The following PSKH2 variants were observed in gnomAD, a reference collection of about 807,000 sequenced individuals.
PSKH2 encodes serine/threonine-protein kinase H2.
A neutral mutation model predicts 22.5 loss-of-function variants in PSKH2; 16 were observed. That is an observed-to-expected ratio of 0.71 (90% CI 0.48 to 1.08). PSKH2 has a LOEUF of 1.08. Among genes scored for constraint, PSKH2 ranks in the 50% least tolerant of loss-of-function variants. The pLI is 0.00. For missense variants in PSKH2, 516 were observed against 492.8 expected, an observed-to-expected ratio of 1.05 and a Z score of -0.44; for synonymous variants, 188 against 184.8, an observed-to-expected ratio of 1.02 and a Z score of -0.14.
At chr8:86,054,877 A>G (rs1463663478) in intron 2 of PSKH2, among the ~76,000 whole-genome samples, 4 of 152,208 alleles carry the variant, frequency 2.6e-5, no homozygotes, top group African/African-American at 9.6e-5. Flanking sequence ...AAAATTGGGT[A>G]CAGTTGAAGT....
intron 2 of PSKH2, among the ~76,000 whole-genome samples, chr8:86,050,839 G>A (rs765041050): frequency 7.2e-5 from 11 of 152,150 alleles, no homozygotes; most frequent in Admixed American, 1.3e-4. Flanking sequence ...ATAAAGCAGA[G>A]TCCATACATA....
At chr8:86,049,735 AAAGAAAG>A in intron 2 of PSKH2, among the ~76,000 whole-genome samples, 1 of 36,022 alleles carries the variant, frequency 2.8e-5, no homozygotes. Context: ...AGAAAGAAAG[AAAGAAAG>A]AAAGAAACGA....
intron 2 of PSKH2, among the ~76,000 whole-genome samples, chr8:86,060,357 G>A (rs184133912): frequency 1.3e-5 from 2 of 152,118 alleles, no homozygotes; most frequent in South Asian, 2.1e-4. Flanking sequence ...AATTATATTC[G>A]GAAGAAGGGG....
chr8:86,058,056 C>A (rs73255243), intron 2 of PSKH2, among the ~76,000 whole-genome samples: 4,030 of 152,252 alleles, frequency 0.026, 166 homozygotes, highest in African/African-American at 0.091. Context: ...ATAAAGATGC[C>A]TTCAAATGGT....
Position 86,050,717 on chromosome 8 carries a change from C to T in PSKH2, c.853-1950G>A, listed in dbSNP as rs138586320. On this transcript the variant is annotated intron_variant, in intron 2 of 2. Coordinates refer to ENST00000276616, the MANE Select transcript of PSKH2 (RefSeq NM_033126.3). ...AGAAACATTGAGAAAATTGCCCATACGTTTGCTGTATCTCAAACACAATTT... is the reference window on the plus strand; with the variant it reads ...AGAAACATTGAGAAAATTGCCCATATGTTTGCTGTATCTCAAACACAATTT... 1.0e-3 allele frequency among the ~76,000 whole-genome samples: 157 copies of T among 152,144 alleles called. 1 individual carries two copies. Among genetic ancestry groups the T allele is most frequent in the African/African-American group, 3.6e-4 (15 of 41,432 alleles).
chr8:86,062,437 T>C (rs1174371555), intron 2 of PSKH2, among the ~76,000 whole-genome samples: 1 of 152,168 alleles, frequency 6.6e-6, no homozygotes, highest in African/African-American at 2.4e-5. Flanking sequence ...TGGCTCTGTG[T>C]CCCCACCCAA....
At chr8:86,056,210 A>G (rs1171404092) in intron 2 of PSKH2, among the ~76,000 whole-genome samples, 1 of 152,040 alleles carries the variant, frequency 6.6e-6, no homozygotes, top group Non-Finnish European at 1.5e-5. Flanking sequence ...GAAGATTGCC[A>G]AAGCCCAGGG....
chr8:86,055,766 A>G (rs1293575134), intron 2 of PSKH2, among the ~76,000 whole-genome samples: 2 of 152,226 alleles, frequency 1.3e-5, no homozygotes, highest in African/African-American at 4.8e-5. Flanking sequence ...AGAGAATAAG[A>G]GAAGTTAGTG....
rs201529269 is a variant in PSKH2, at chr8:86,064,271, C to T, written c.546G>A (p.Arg182=). The T allele has an allele frequency of 5.9e-4, 947 of 1,613,988 alleles. 1 individual carries two copies. The highest frequency in any genetic ancestry group is 6.6e-4 in the Non-Finnish European group (780 of 1,180,030). The change falls in exon 2 of 3, where the codon AGG becomes AGA. Residue 182 remains arginine, a synonymous_variant. Coordinates refer to ENST00000276616, the MANE Select transcript of PSKH2 (RefSeq NM_033126.3). ...ATAAGAGGTTTTCAGGCTTTAGATT[C>T]CTATGAGTTATCTGCAGCGCATGCA... is the stretch of plus-strand genomic sequence containing the variant. The part of the protein sequence containing the change: ...RYLHALQITH[R]NLKPENLLYY...
intron 2 of PSKH2, among the ~76,000 whole-genome samples, chr8:86,055,820 A>G (rs1008464157): frequency 2.0e-5 from 3 of 152,348 alleles, no homozygotes; most frequent in African/African-American, 7.2e-5. Context: ...GCTGGTGAAA[A>G]TGAGCATAAT....
chr8:86,062,712 A>T (rs1264180462), intron 2 of PSKH2, among the ~76,000 whole-genome samples: 2 of 152,202 alleles, frequency 1.3e-5, no homozygotes, highest in African/African-American at 2.4e-5. Context: ...ACTGTGAGAC[A>T]GCTAAACCTT....
chr8:86,049,128 A>T (rs1289172761), intron 2 of PSKH2, among the ~76,000 whole-genome samples: 1 of 152,214 alleles, frequency 6.6e-6, no homozygotes, highest in South Asian at 2.1e-4. Flanking sequence ...GCTGTCTTTT[A>T]CGAACTATGT....
At chr8:86,063,156 G>A (rs1817802927) in intron 2 of PSKH2, among the ~76,000 whole-genome samples, 1 of 152,180 alleles carries the variant, frequency 6.6e-6, no homozygotes, top group South Asian at 2.1e-4. Flanking sequence ...CTGTCAGAGT[G>A]TAGAAAACAT....
chr8:86,058,328 C>G (rs766723275), intron 2 of PSKH2, among the ~76,000 whole-genome samples: 12 of 152,172 alleles, frequency 7.9e-5, no homozygotes, highest in Non-Finnish European at 1.5e-4. Context: ...GTAGATGTAG[C>G]CTTTCAGACC....
At chr8:86,060,934 G>A (rs1011376533) in intron 2 of PSKH2, among the ~76,000 whole-genome samples, 9 of 152,070 alleles carry the variant, frequency 5.9e-5, no homozygotes, top group Admixed American at 2.6e-4. Flanking sequence ...ATGCATGCAC[G>A]CACCCTTCTT....
At position 86,053,831 on chromosome 8, in the gene PSKH2, G is replaced by A. The variant is rs13276159; in HGVS notation, c.853-5064C>T. Among the ~76,000 whole-genome samples the A allele has an allele frequency of 3.7e-3, 559 of 152,166 alleles. 5 individuals carry two copies. Among genetic ancestry groups the A allele is most frequent in the African/African-American group, 0.013 (521 of 41,528 alleles). On this transcript the variant is annotated intron_variant, in intron 2 of 2. Coordinates refer to ENST00000276616, the MANE Select transcript of PSKH2 (RefSeq NM_033126.3). ...CCGAGTCAGGAGGATCACTTGAGCC[G>A]AAGAGTTCAAGACCAGCCTGGGTAA...
chr8:86,048,494 T>C lies in PSKH2; in HGVS notation c.1126A>G (p.Ile376Val). Reference protein sequence around the residue: ...RHMWSKRNLRIVESPLSALL With the variant: ...RHMWSKRNLRVVESPLSALL ...AGCGCAGACAGTGGCGATTCTACTATCCTTAAGTTTCTCTTGCTCCACATA... is the reference window on the plus strand; with the variant it reads ...AGCGCAGACAGTGGCGATTCTACTACCCTTAAGTTTCTCTTGCTCCACATA... The change falls in exon 3 of 3, where the codon ATA becomes GTA. Residue 376 changes from isoleucine (I) to valine (V), a missense_variant. Transcript: ENST00000276616. 1 of 1,614,078 alleles carries C rather than the reference T, an allele frequency of 6.2e-7. No homozygotes were observed. The highest frequency in any genetic ancestry group is 8.5e-7 in the Non-Finnish European group (1 of 1,179,950).
Position 86,049,751 on chromosome 8 carries a change from GAAA to G in PSKH2, c.853-987_853-985del, listed in dbSNP as rs1563538783. Among the ~76,000 whole-genome samples the G allele has an allele frequency of 9.8e-3, 25 of 2,554 alleles. 1 individual carries two copies. The highest frequency in any genetic ancestry group is 0.018 in the African/African-American group (16 of 874). 1.7% of individuals were successfully genotyped at this position (2,554 alleles called of 152,430 possible). A position where few individuals can be genotyped will look rare whatever the true frequency, so the allele number is the denominator to read the frequency against. On this transcript the variant is annotated intron_variant, in intron 2 of 2. Transcript: ENST00000276616. ...GAAAGAAAGAAAGAAAGAAAGAAAC[GAAA>G]GAAAGAAAGAAAGAGAAAAGAAAGA...
intron 1 of PSKH2, among the ~76,000 whole-genome samples, chr8:86,068,905 T>A (rs371270651): frequency 6.6e-6 from 1 of 152,068 alleles, no homozygotes. Flanking sequence ...TTTTTTCCCA[T>A]CCTCTGAACT....
Sources: allele counts gnomAD v4.1 joint callset (sites outside exome capture counted in the v4.1 genomes callset), GRCh38; gene constraint gnomAD v4.1.1; transcripts MANE v1.5; gene names NCBI Gene and HGNC (gene_info 2026-07-23, HGNC 2026-07-21).